Variants in PRDM16 observed in about 807,000 individuals in gnomAD.
The protein encoded by PRDM16 is histone-lysine N-methyltransferase PRDM16.
PRDM16 carries 23 observed loss-of-function variants against 110.6 expected under a neutral mutation model. The observed-to-expected ratio is 0.21, with a 90% confidence interval of 0.15 to 0.29. PRDM16 has a LOEUF of 0.29. Among genes scored for constraint, PRDM16 ranks in the 10% least tolerant of loss-of-function variants. The pLI, the probability that PRDM16 is intolerant of heterozygous loss-of-function variation, is 1.00. For synonymous variants in PRDM16, 799 were observed against 781.8 expected (o/e 1.02, Z -0.37); for missense variants, 1,615 against 1,794.3 (o/e 0.90, Z 1.81).
chr1:3,403,883 G>A (rs1643515557), intron 6 of PRDM16, among the ~76,000 whole-genome samples: 1 of 152,290 alleles, frequency 6.6e-6, no homozygotes, highest in South Asian at 2.1e-4. Context: ...TCCCCGCACC[G>A]CTCCCTGGGG....
intron 3 of PRDM16, among the ~76,000 whole-genome samples, chr1:3,299,477 G>A (rs572207153): frequency 3.3e-5 from 4 of 121,234 alleles, no homozygotes; most frequent in Non-Finnish European, 7.2e-5. Flanking sequence ...ATGCTATGCT[G>A]TGGCTGTGAT....
At position 3,412,235 on chromosome 1, in the gene PRDM16, G is replaced by A. The variant is rs528536647; in HGVS notation, c.2038G>A (p.Glu680Lys). 6.8e-6 allele frequency: 11 copies of A among 1,609,126 alleles called. No individual in the cohort carries two copies. The highest frequency in any genetic ancestry group is 1.3e-5 in the African/African-American group (1 of 74,842). Residue 680 changes from glutamate (E) to lysine (K), a missense_variant, in exon 9 of 17, where the codon GAG (glutamate) becomes AAG (lysine). Glu to Lys is a moderately conservative substitution (Grantham distance 56). Transcript: ENST00000270722. ...GCACTCATTCTTCCCGCCACCCGAC[G>A]AGCAGCTGCTGACTGCAACGGGCGC... ...SQHSFFPPPD[E>K]QLLTATGAAG...
chr1:3,380,316 G>A (rs112362665), intron 3 of PRDM16, among the ~76,000 whole-genome samples: 2 of 151,956 alleles, frequency 1.3e-5, no homozygotes, highest in African/African-American at 4.8e-5. Flanking sequence ...GTCACCCCAG[G>A]GGGCCCACCA....
Position 3,148,209 on chromosome 1 carries a change from C to T in PRDM16, c.38-37916C>T, listed in dbSNP as rs563296864. Among the ~76,000 whole-genome samples, 1 of 152,084 alleles carries T rather than the reference C, an allele frequency of 6.6e-6. No homozygotes were observed. Among genetic ancestry groups the T allele is most frequent in the East Asian group, 1.9e-4 (1 of 5,164 alleles). ...GATGAGTGAAGAAGCTGGGTGCAATCTCATGCCCTGGGTGCAATCTCATGT... is the reference window on the plus strand; with the variant it reads ...GATGAGTGAAGAAGCTGGGTGCAATTTCATGCCCTGGGTGCAATCTCATGT... On this transcript the variant is annotated intron_variant, in intron 1 of 16. Coordinates refer to ENST00000270722, the MANE Select transcript of PRDM16 (RefSeq NM_022114.4). The surrounding 1 kb of genome is among the most constrained non-coding windows in gnomAD (Gnocchi z 5.0).
intron 3 of PRDM16, among the ~76,000 whole-genome samples, chr1:3,320,684 C>A (rs961060064): frequency 6.6e-6 from 1 of 152,330 alleles, no homozygotes; most frequent in African/African-American, 2.4e-5. Context: ...GAACCCACCC[C>A]CTTGGCCCCG....
At chr1:3,314,083 C>G (rs868358230) in intron 3 of PRDM16, among the ~76,000 whole-genome samples, 2,495 of 117,962 alleles carry the variant, frequency 0.021, 27 homozygotes, top group East Asian at 0.056. Flanking sequence ...GGGGGGGGGG[C>G]GGGAACATAA....
chr1:3,215,466 T>TCCC (rs1453346869), intron 2 of PRDM16, among the ~76,000 whole-genome samples: 11 of 149,236 alleles, frequency 7.4e-5, no homozygotes, highest in East Asian at 3.9e-4. Context: ...GGGTCATGGG[T>TCCC]GGAGGCGGGA....
intron 3 of PRDM16, among the ~76,000 whole-genome samples, chr1:3,275,379 C>T (rs1323050587): frequency 1.3e-5 from 2 of 152,230 alleles, no homozygotes; most frequent in African/African-American, 2.4e-5. Flanking sequence ...GCCTTCGCTC[C>T]TTCCTGCCTG....
chr1:3,348,780 G>C (rs1270104993), intron 3 of PRDM16, among the ~76,000 whole-genome samples: 1 of 152,184 alleles, frequency 6.6e-6, no homozygotes, highest in Admixed American at 6.5e-5. Context: ...TGGGGTGGGG[G>C]CCCTGGGGCT....
At chr1:3,181,526 G>GTCTTACACA (rs1557509488) in intron 1 of PRDM16, among the ~76,000 whole-genome samples, 2 of 9,216 alleles carry the variant, frequency 2.2e-4, no homozygotes, top group Non-Finnish European at 4.1e-4. Flanking sequence ...TCTTACACAA[G>GTCTTACACA]CGGTCTTACA....
rs150252829 is a variant in PRDM16, at chr1:3,192,613, C to T, written c.387+6139C>T. Among the ~76,000 whole-genome samples, 1,021 of 152,210 alleles carry T rather than the reference C, an allele frequency of 6.7e-3. 13 individuals carry two copies. Among genetic ancestry groups the T allele is most frequent in the African/African-American group, 0.023 (965 of 41,514 alleles). ...TGTAGGAGCTGGACTTAGACCCCTC[C>T]GTCGGTCCTGGGCTGGGGAATCAAG... On this transcript the variant is annotated intron_variant, in intron 2 of 16. Coordinates refer to ENST00000270722, the MANE Select transcript of PRDM16 (RefSeq NM_022114.4).
At chr1:3,170,947 C>A (rs1489547953) in intron 1 of PRDM16, among the ~76,000 whole-genome samples, 1 of 152,246 alleles carries the variant, frequency 6.6e-6, no homozygotes, top group Non-Finnish European at 1.5e-5. Context: ...GCTGATGGCG[C>A]CAGCCCAAAC....
chr1:3,284,480 G>C (rs182724003), intron 3 of PRDM16, among the ~76,000 whole-genome samples: 1 of 152,312 alleles, frequency 6.6e-6, no homozygotes, highest in Non-Finnish European at 1.5e-5. Flanking sequence ...GGTGGCCTAG[G>C]AGTCTGTCCA....
At position 3,433,795 on chromosome 1, in the gene PRDM16, C is replaced by T; in HGVS notation, c.3815C>T (p.Pro1272Leu). 6.2e-7 allele frequency: 1 copy of T among 1,613,516 alleles called. No individual in the cohort carries two copies. Among genetic ancestry groups the T allele is most frequent in the Non-Finnish European group, 8.5e-7 (1 of 1,179,896 alleles). ...GATSESGAFH[P>L]INHL Reference sequence around the variant, plus strand: ...ACGTCGGAGTCTGGAGCATTTCACCCCATCAACCACCTCTGACGGGCTGGG... The same window carrying T: ...ACGTCGGAGTCTGGAGCATTTCACCTCATCAACCACCTCTGACGGGCTGGG... The change falls in exon 17 of 17, where the codon CCC (proline) becomes CTC (leucine). Residue 1272 changes from proline (P) to leucine (L), a missense_variant. This residue lies in a region of PRDM16 where 327 missense variants were observed against 359.3 expected (regional missense o/e 0.91). Transcript: ENST00000270722.
chr1:3,349,686 C>T (rs1032924738), intron 3 of PRDM16, among the ~76,000 whole-genome samples: 1 of 152,204 alleles, frequency 6.6e-6, no homozygotes, highest in Non-Finnish European at 1.5e-5. Context: ...GCTTCCCCTC[C>T]CTCCCACTCC....
intron 3 of PRDM16, among the ~76,000 whole-genome samples, chr1:3,266,302 C>T (rs999015919): frequency 1.3e-5 from 2 of 152,182 alleles, no homozygotes; most frequent in Admixed American, 1.3e-4. Context: ...CACAGCCGGA[C>T]GCCAGGAGAG....
At chr1:3,376,082 G>A (rs1482871660) in intron 3 of PRDM16, among the ~76,000 whole-genome samples, 4 of 152,128 alleles carry the variant, frequency 2.6e-5, no homozygotes, top group South Asian at 4.1e-4. Context: ...ACAGCATCCC[G>A]GTGTCTTGGT....
chr1:3,412,848 G>A, intron 9 of PRDM16, 48 bp downstream of exon 9: 1 of 1,385,850 alleles, frequency 7.2e-7, no homozygotes, highest in Non-Finnish European at 9.4e-7. Context: ...CGGGGCCGCG[G>A]CGGTGCTGGG....
rs544486958 is a variant in PRDM16, at chr1:3,382,969, C to T, written c.439-2183C>T. 5.1e-4 allele frequency among the ~76,000 whole-genome samples: 78 copies of T among 152,356 alleles called. No individual in the cohort carries two copies. Among genetic ancestry groups the T allele is most frequent in the Non-Finnish European group, 7.8e-4 (53 of 68,030 alleles). On this transcript the variant is annotated intron_variant, in intron 3 of 16. Coordinates refer to ENST00000270722, the MANE Select transcript of PRDM16 (RefSeq NM_022114.4). This position sits in a 1 kb window ranked among gnomAD's most constrained non-coding sequence, Gnocchi z 6.6. ...ATCGTTTGTATATTGAGCATCCCCC[C>T]GCCGCCAATGTTTTCCTCGGGCTCC...
Sources: gnomAD v4.1 joint callset for allele counts (sites outside exome capture counted in the v4.1 genomes callset) on GRCh38, gnomAD v4.1.1 for gene constraint, gnomAD v4.1.1 regional missense constraint, Gnocchi (gnomAD v3.1) non-coding constraint, MANE v1.5 for transcripts, NCBI Gene and HGNC (gene_info 2026-07-23, HGNC 2026-07-21) for gene names.